Variants in DZANK1 observed in about 807,000 individuals in gnomAD.
The protein encoded by DZANK1 is double zinc ribbon and ankyrin repeat-containing protein 1.
A neutral mutation model predicts 94.5 loss-of-function variants in DZANK1; 91 were observed. That is an observed-to-expected ratio of 0.96 (90% CI 0.81 to 1.15). The LOEUF (loss-of-function observed/expected upper bound fraction) is 1.15, where lower values mean the gene tolerates loss of function less well. DZANK1 is among the 50% of genes most tolerant of loss of function. The probability of loss-of-function intolerance (pLI) is 0.00; values close to 1 mark genes in which losing one functional copy is unlikely to be tolerated. For synonymous variants in DZANK1, 312 were observed against 325.3 expected, an observed-to-expected ratio of 0.96 and a Z score of 0.44; for missense variants, 903 against 916.4, an observed-to-expected ratio of 0.99 and a Z score of 0.19.
At chr20:18,445,241 A>T (rs138950202) in intron 7 of DZANK1, among the ~76,000 whole-genome samples, 1 of 152,324 alleles carries the variant, frequency 6.6e-6, no homozygotes, top group East Asian at 1.9e-4. Flanking sequence ...AGAGTTAAAG[A>T]AGTTTATTTC....
intron 8 of DZANK1, 90 bp from the exon 9 acceptor site, chr20:18,433,855 C>G: frequency 9.0e-7 from 1 of 1,109,268 alleles, no homozygotes; most frequent in Non-Finnish European, 1.3e-6. Flanking sequence ...TACAGCCGTA[C>G]CACCCTGAAC....
At chr20:18,394,264 C>T (rs775045668) in exon 16 of DZANK1, 2 of 1,613,480 alleles carry the variant, frequency 1.2e-6, no homozygotes, top group Non-Finnish European at 1.7e-6. Context: ...CCCAGCTGGA[C>T]CTGCTGCCGC....
chr20:18,442,668 A>C (rs1014808715), intron 8 of DZANK1, among the ~76,000 whole-genome samples: 1 of 152,172 alleles, frequency 6.6e-6, no homozygotes, highest in African/African-American at 2.4e-5. Flanking sequence ...TCAATTAGTG[A>C]CTTTTTCTTA....
intron 1 of DZANK1, among the ~76,000 whole-genome samples, chr20:18,466,283 C>G (rs1347285417): frequency 6.6e-6 from 1 of 152,170 alleles, no homozygotes; most frequent in African/African-American, 2.4e-5. Context: ...TTTCCCTGTA[C>G]TTATTTATCC....
chr20:18,457,854 CTAT>C (rs1468425082), intron 3 of DZANK1, among the ~76,000 whole-genome samples: 2 of 152,132 alleles, frequency 1.3e-5, no homozygotes, highest in Non-Finnish European at 2.9e-5. Flanking sequence ...ATCATGGGCC[CTAT>C]TATTAAAGGG....
At chr20:18,459,509 C>T (rs2059401493) in intron 3 of DZANK1, among the ~76,000 whole-genome samples, 1 of 151,986 alleles carries the variant, frequency 6.6e-6, no homozygotes, top group Admixed American at 6.6e-5. Flanking sequence ...ACCTGCATTG[C>T]TGGAAAAATA....
At chr20:18,410,149 T>A (rs981088209) in intron 13 of DZANK1, among the ~76,000 whole-genome samples, 2 of 151,184 alleles carry the variant, frequency 1.3e-5, no homozygotes, top group Admixed American at 6.6e-5. Context: ...AAGGCTAATA[T>A]AACAAAAGCC....
rs141379877 is a variant in DZANK1, at chr20:18,388,125, G to A, written c.2018+1576C>T. On this transcript the variant is annotated intron_variant, in intron 19 of 20. Coordinates refer to ENST00000262547, the Ensembl canonical transcript of DZANK1. ...TGGGAAATGCTACTTTCCTCTACTG[G>A]CATGCACTGGAAAGGAAGAAGAGAT... Among the ~76,000 whole-genome samples the A allele has an allele frequency of 5.6e-4, 85 of 152,262 alleles. 1 individual carries two copies. The highest frequency in any genetic ancestry group is 1.0e-3 in the Non-Finnish European group (71 of 68,026).
chr20:18,383,975 T>C (rs974466425), exon 21 of DZANK1: 4 of 157,890 alleles, frequency 2.5e-5, no homozygotes, highest in African/African-American at 9.7e-5. Flanking sequence ...AAAAAAAAAA[T>C]CTCCTGAGTT....
chr20:18,434,815 A>G (rs1479716234), intron 8 of DZANK1, among the ~76,000 whole-genome samples: 3 of 152,118 alleles, frequency 2.0e-5, no homozygotes, highest in Non-Finnish European at 2.9e-5. Context: ...GGATCACTTG[A>G]TTTAGAGCAC....
chr20:18,384,625 C>T, intron 20 of DZANK1, 61 bp from the exon 21 acceptor site: 1 of 1,492,146 alleles, frequency 6.7e-7, no homozygotes, highest in Admixed American at 2.2e-5. Context: ...ACCCTAAGAG[C>T]TTGACTCTAC....
Position 18,386,369 on chromosome 20 carries a change from T to A in DZANK1, c.2019-1279A>T, listed in dbSNP as rs569176398. 7.2e-5 allele frequency among the ~76,000 whole-genome samples: 11 copies of A among 152,086 alleles called. No homozygotes were observed. The East Asian group carries it at 1.7e-3, about 24-fold the overall frequency. On this transcript the variant is annotated intron_variant, in intron 19 of 20. Coordinates refer to ENST00000262547, the Ensembl canonical transcript of DZANK1. ...TCAAATGTGAATGGACAACAAAGGT[T>A]CACAGACATCTGAGAAAAACCTGTA...
Position 18,453,834 on chromosome 20 carries a change from A to C in DZANK1, c.379-7T>G. 1 of 1,505,386 alleles carries C rather than the reference A, an allele frequency of 6.6e-7. No individual in the cohort carries two copies. The allele number at this position is 1,505,386 out of a possible 1,614,324, so 93.3% of individuals were successfully genotyped here. A position where few individuals can be genotyped will look rare whatever the true frequency, so the allele number is the denominator to read the frequency against. ...CAAATCCATTTTTGAATTCCTAGGA[A>C]TGAAGAGATTGCATATCAATCACTT... On this transcript the variant is annotated splice_region_variant and splice_polypyrimidine_tract_variant and intron_variant, in intron 4 of 20. Coordinates refer to ENST00000262547, the Ensembl canonical transcript of DZANK1.
intron 12 of DZANK1, among the ~76,000 whole-genome samples, chr20:18,413,773 C>CT (rs2057366483): frequency 6.6e-6 from 1 of 151,604 alleles, no homozygotes; most frequent in Non-Finnish European, 1.5e-5. Flanking sequence ...CAGCGAGACT[C>CT]TGTCTCAAAA....
intron 13 of DZANK1, among the ~76,000 whole-genome samples, chr20:18,407,054 A>T (rs1260328868): frequency 6.6e-6 from 1 of 152,202 alleles, no homozygotes; most frequent in Non-Finnish European, 1.5e-5. Context: ...CAAGTAAATA[A>T]TTATGTTTTT....
chr20:18,411,765 T>C (rs933952337), intron 13 of DZANK1, among the ~76,000 whole-genome samples: 2 of 152,208 alleles, frequency 1.3e-5, no homozygotes, highest in Non-Finnish European at 2.9e-5. Context: ...TACTTGAGAC[T>C]GGGTAATTTA....
chr20:18,418,061 G>A (rs1164192014), intron 10 of DZANK1, among the ~76,000 whole-genome samples: 1 of 152,048 alleles, frequency 6.6e-6, no homozygotes, highest in African/African-American at 2.4e-5. Flanking sequence ...ACTCCAGCCT[G>A]GGCGACAGAG....
chr20:18,425,402 T>C (rs914075933), intron 10 of DZANK1, among the ~76,000 whole-genome samples: 11 of 152,076 alleles, frequency 7.2e-5, no homozygotes, highest in Admixed American at 3.3e-4. Context: ...AATACAAAAA[T>C]TAGCCAGGCG....
chr20:18,412,814 TG>T lies in DZANK1; in HGVS notation c.1263del (p.Arg422AspfsTer10). ...TCCCTCTTAGTCCCAACATCAGATCTGGGCAAAGGAATATTCAGGGACTGCC... is the reference window on the plus strand; with the variant it reads ...TCCCTCTTAGTCCCAACATCAGATCTGGCAAAGGAATATTCAGGGACTGCC... On this transcript the variant is annotated frameshift_variant, in exon 13 of 21. Coordinates refer to ENST00000262547, the Ensembl canonical transcript of DZANK1. LOFTEE classifies it high-confidence loss of function. 1 of 1,614,010 alleles carries T rather than the reference TG, an allele frequency of 6.2e-7. No homozygotes were observed. The highest frequency in any genetic ancestry group is 8.5e-7 in the Non-Finnish European group (1 of 1,179,872).
Sources: allele counts gnomAD v4.1 joint callset (sites outside exome capture counted in the v4.1 genomes callset), GRCh38; gene constraint gnomAD v4.1.1; transcripts MANE v1.5; gene names NCBI Gene and HGNC (gene_info 2026-07-23, HGNC 2026-07-21).